CDON: variants seen among roughly 807,000 people sequenced by gnomAD.
CDON encodes cell adhesion associated, oncogene regulated, also known as cell adhesion molecule-related/down-regulated by oncogenes.
In CDON, 73 loss-of-function variants were observed where a neutral mutation model predicts 120.9. The observed-to-expected ratio is 0.60, with a 90% CI of 0.50 to 0.73. The LOEUF (loss-of-function observed/expected upper bound fraction) is 0.73, where lower values mean the gene tolerates loss of function less well. Ranked by LOEUF, CDON falls within the 30% of genes least tolerant of loss-of-function variation. The probability of loss-of-function intolerance (pLI) is 0.00; values close to 1 mark genes in which losing one functional copy is unlikely to be tolerated. For synonymous variants in CDON, 566 were observed against 573.5 expected (o/e 0.99, Z 0.19); for missense variants, 1,470 against 1,587.3 (o/e 0.93, Z 1.26).
chr11:125,987,657 T>G (rs1388299294), intron 15 of CDON, among the ~76,000 whole-genome samples: 2 of 152,256 alleles, frequency 1.3e-5, no homozygotes, highest in Non-Finnish European at 2.9e-5. Flanking sequence ...ACTATTATAC[T>G]ATTATAAATA....
intron 10 of CDON, among the ~76,000 whole-genome samples, chr11:126,003,382 C>T (rs1947012172): frequency 6.6e-6 from 1 of 152,114 alleles, no homozygotes; most frequent in Admixed American, 6.5e-5. Context: ...ATCCTCATTG[C>T]CTTGTATAAC....
intron 18 of CDON, among the ~76,000 whole-genome samples, chr11:125,972,870 G>A (rs1412053463): frequency 6.8e-6 from 1 of 147,082 alleles, no homozygotes; most frequent in East Asian, 2.1e-4. Flanking sequence ...GGCACCACCA[G>A]ATCTCAGAGG....
chr11:126,024,692 G>A (rs1381923471), intron 1 of CDON, among the ~76,000 whole-genome samples: 1 of 152,208 alleles, frequency 6.6e-6, no homozygotes, highest in African/African-American at 2.4e-5. Context: ...GGAGCTGTAG[G>A]AAGAAGTCAG....
intron 18 of CDON, among the ~76,000 whole-genome samples, chr11:125,975,814 C>T (rs560208323): frequency 3.0e-4 from 45 of 152,338 alleles, no homozygotes; most frequent in Middle Eastern, 3.4e-3. Context: ...ATTATCCTTT[C>T]TACGTCCATG....
chr11:126,014,704 A>G (rs1947409422), intron 7 of CDON: 1 of 154,900 alleles, frequency 6.5e-6, no homozygotes, highest in African/African-American at 2.4e-5. Context: ...ACAATGGACC[A>G]CTAAGCAGCA....
In CDON at chr11:126,010,674, T is replaced by C. The variant is rs778337270; in HGVS notation, c.1219A>G (p.Ile407Val). ...TTTGCACTTACTGGTGCCGTAATTA[T>C]AACTGGCTTGAATCCACCGTCTATT... ...IENDGGFKPVIITAPVSAKVA... is the reference protein window; with the variant it reads ...IENDGGFKPVVITAPVSAKVA... Residue 407 changes from isoleucine to valine, a missense_variant, in exon 8 of 20, where the codon ATA becomes GTA. By Grantham distance (29) the Ile-to-Val change is conservative. Coordinates refer to ENST00000531738, the MANE Select transcript of CDON (RefSeq NM_001378964.1). 2 of 1,614,092 alleles carry C rather than the reference T, an allele frequency of 1.2e-6. No individual in the cohort carries two copies. Among genetic ancestry groups the C allele is most frequent in the Non-Finnish European group, 1.7e-6 (2 of 1,179,922 alleles).
In CDON at chr11:126,057,106, G is replaced by A. The variant is rs79000122; in HGVS notation, c.-62+5473C>T. Among the ~76,000 whole-genome samples, 755 of 152,264 alleles carry A rather than the reference G, an allele frequency of 5.0e-3. 6 individuals are homozygous for A. Among genetic ancestry groups the A allele is most frequent in the Non-Finnish European group, 8.4e-3 (570 of 68,030 alleles). Reference sequence around the variant, plus strand: ...TTCAAAGTATTTGGTTTATGGAATTGTAACTGAAGGTAATTATACCTTCAA... The same window carrying A: ...TTCAAAGTATTTGGTTTATGGAATTATAACTGAAGGTAATTATACCTTCAA... On this transcript the variant is annotated intron_variant, in intron 1 of 19. Coordinates refer to ENST00000531738, the MANE Select transcript of CDON (RefSeq NM_001378964.1).
rs1337500818 is a variant in CDON, at chr11:125,957,842, T to G, written c.*3100A>C. 2 of 152,194 alleles carry G rather than the reference T, an allele frequency of 1.3e-5. No individual in the cohort carries two copies. The highest frequency in any genetic ancestry group is 2.9e-5 in the Non-Finnish European group (2 of 68,036). The allele number at this position is 152,194 out of a possible 1,614,324, so 9.4% of individuals were successfully genotyped here. A position where few individuals can be genotyped will look rare whatever the true frequency, so the allele number is the denominator to read the frequency against. The stretch of plus-strand genomic sequence containing the variant: ...ACCCTGGCAGCACCTGTCACCAGAC[T>G]GTCAGTGCAAAACTGAAAGAAAAAC... On this transcript the variant is annotated 3_prime_UTR_variant, in exon 20 of 20. Transcript: ENST00000531738.
In CDON at chr11:125,959,290, A is replaced by T. The variant is rs976310871; in HGVS notation, c.*1652T>A. ...CCACTGCGATTTCTGGGAAACTAACATTTCTTCACTTCTGCTGGAATTGCT... is the reference window on the plus strand; with the variant it reads ...CCACTGCGATTTCTGGGAAACTAACTTTTCTTCACTTCTGCTGGAATTGCT... On this transcript the variant is annotated 3_prime_UTR_variant, in exon 20 of 20. Coordinates refer to ENST00000531738, the MANE Select transcript of CDON (RefSeq NM_001378964.1). 6.6e-6 allele frequency: 1 copy of T among 152,184 alleles called. No individual in the cohort carries two copies. Among genetic ancestry groups the T allele is most frequent in the African/African-American group, 2.4e-5 (1 of 41,420 alleles). 9.4% of individuals were successfully genotyped at this position (152,184 alleles called of 1,614,324 possible).
Position 125,958,316 on chromosome 11 carries a change from G to C in CDON, c.*2626C>G, listed in dbSNP as rs1237699704. 2 of 152,166 alleles carry C rather than the reference G, an allele frequency of 1.3e-5. No homozygotes were observed. Among genetic ancestry groups the C allele is most frequent in the African/African-American group, 4.8e-5 (2 of 41,444 alleles). 9.4% of individuals were successfully genotyped at this position (152,166 alleles called of 1,614,324 possible). A position where few individuals can be genotyped will look rare whatever the true frequency, so the allele number is the denominator to read the frequency against. On this transcript the variant is annotated 3_prime_UTR_variant, in exon 20 of 20. Transcript: ENST00000531738. ...CACTGAGTGACTTGGGGATTTTAAT[G>C]CCAACTTTGTAGATGAGTTGTGGGG...
chr11:126,060,520 C>T lies in CDON; in HGVS notation c.-62+2059G>A, dbSNP rs539912372. On this transcript the variant is annotated intron_variant, in intron 1 of 19. Coordinates refer to ENST00000531738, the MANE Select transcript of CDON (RefSeq NM_001378964.1). ...AAATCATTTCCCTAGTATTTAACTT[C>T]GAAACAATCACCAATTTTTAGTCTA... Among the ~76,000 whole-genome samples, 130 of 151,194 alleles carry T rather than the reference C, an allele frequency of 8.6e-4. No individual in the cohort carries two copies. The Middle Eastern group carries it at 0.017, about 20-fold the overall frequency.
In CDON at chr11:126,001,821, C is replaced by A. The variant is rs572486967; in HGVS notation, c.2056G>T (p.Ala686Ser). The change falls in exon 11 of 20, where the codon GCA becomes TCA. Residue 686 changes from alanine (A) to serine (S), a missense_variant. Coordinates refer to ENST00000531738, the MANE Select transcript of CDON (RefSeq NM_001378964.1). ...EKTASSKNTQ[A>S]SSPPVGIPKY... ...GGGATGCCCACGGGTGGAGAGGATG[C>A]CTGGGTGTTTTTTGATGACGCTGTT... The A allele has an allele frequency of 1.2e-6, 2 of 1,607,818 alleles. No homozygotes were observed. Among genetic ancestry groups the A allele is most frequent in the Admixed American group, 1.7e-5 (1 of 60,002 alleles).
rs1945618695 is a variant in CDON, at chr11:125,960,728, A to G, written c.*214T>C. 1 of 578,228 alleles carries G rather than the reference A, an allele frequency of 1.7e-6. No homozygotes were observed. Among genetic ancestry groups the G allele is most frequent in the South Asian group, 2.0e-5 (1 of 50,100 alleles). The allele number at this position is 578,228 out of a possible 1,614,324, so 35.8% of individuals were successfully genotyped here. A position where few individuals can be genotyped will look rare whatever the true frequency, so the allele number is the denominator to read the frequency against. ...TGCAAAACAAGGTTGTTTCCTACCG[A>G]GGGGGAGGAAGGAATGGGGAAGAAA... On this transcript the variant is annotated 3_prime_UTR_variant, in exon 20 of 20. Coordinates refer to ENST00000531738, the MANE Select transcript of CDON (RefSeq NM_001378964.1).
chr11:126,008,858 C>T (rs773267726), intron 8 of CDON, among the ~76,000 whole-genome samples: 3 of 152,208 alleles, frequency 2.0e-5, no homozygotes, highest in Non-Finnish European at 4.4e-5. Context: ...GTAACTATTT[C>T]TTCCTTCCCT....
rs924075996 is a variant in CDON at position 125,970,347 on chromosome 11, GT to G, written c.3356+7956del. Among the ~76,000 whole-genome samples, 7 of 151,738 alleles carry G rather than the reference GT, an allele frequency of 4.6e-5. No homozygotes were observed. The East Asian group carries it at 1.2e-3, about 25-fold the overall frequency. On this transcript the variant is annotated intron_variant, in intron 18 of 19. Transcript: ENST00000531738. ...GCGCCACCACGCCTGGCTGATTTTT[GT>G]TTTTTTAGTAGAGATGGGGTTTCAC...
At chr11:126,011,383 AAACC>A (rs1021862311) in intron 7 of CDON, among the ~76,000 whole-genome samples, 4 of 152,214 alleles carry the variant, frequency 2.6e-5, no homozygotes, top group Admixed American at 6.5e-5. Flanking sequence ...ATGTCTGACA[AAACC>A]AACCAACAAC....
At chr11:125,969,952 G>A (rs922748825) in intron 18 of CDON, among the ~76,000 whole-genome samples, 5 of 152,114 alleles carry the variant, frequency 3.3e-5, no homozygotes, top group Admixed American at 1.3e-4. Flanking sequence ...GAATGTATTC[G>A]AAGTATTCCA....
chr11:125,988,456 A>G (rs777052985), intron 15 of CDON, among the ~76,000 whole-genome samples: 1 of 152,050 alleles, frequency 6.6e-6, no homozygotes, highest in Non-Finnish European at 1.5e-5. Flanking sequence ...GCTCACTGCA[A>G]CCTCTACCTT....
intron 15 of CDON, 33 bp downstream of exon 15, chr11:125,989,604 T>A: frequency 6.2e-7 from 1 of 1,603,212 alleles, no homozygotes; most frequent in Non-Finnish European, 8.5e-7. Flanking sequence ...TGGAATTCTA[T>A]CACTGTCCAG....
Sources: gnomAD v4.1 joint callset for allele counts (sites outside exome capture counted in the v4.1 genomes callset) on GRCh38, gnomAD v4.1.1 for gene constraint, MANE v1.5 for transcripts, NCBI Gene and HGNC (gene_info 2026-07-23, HGNC 2026-07-21) for gene names.